DST: variants seen among roughly 807,000 people sequenced by gnomAD.
DST encodes the protein bullous pemphigoid antigen.
DST carries 253 observed loss-of-function variants against 875.2 expected under a neutral mutation model. The ratio of observed to expected loss-of-function variants is 0.29; its 90% CI spans 0.26 to 0.32. The LOEUF is 0.32. Ranked by LOEUF, DST falls within the 10% of genes least tolerant of loss-of-function variation. The pLI, the probability that DST is intolerant of heterozygous loss-of-function variation, is 1.00. For missense variants in DST, 8,287 were observed against 9,111.6 expected, an observed-to-expected ratio of 0.91 and a Z score of 3.68; for synonymous variants, 3,124 against 3,197.1, an observed-to-expected ratio of 0.98 and a Z score of 0.77.
intron 4 of DST, among the ~76,000 whole-genome samples, chr6:56,809,491 T>C (rs2153033392): frequency 6.6e-6 from 1 of 152,346 alleles, no homozygotes; most frequent in South Asian, 2.1e-4. Context: ...CATCTTATGA[T>C]GATTATATTC....
In DST at chr6:56,604,267, T is replaced by C. The variant is rs1289702538; in HGVS notation, c.10361A>G (p.His3454Arg). 1.2e-6 allele frequency: 2 copies of C among 1,611,906 alleles called. No individual in the cohort carries two copies. The highest frequency in any genetic ancestry group is 1.7e-6 in the Non-Finnish European group (2 of 1,178,862). ...AAATACTCCTGTAATTTTTTGGCTA[T>C]GTTGATCTTGCTTCAATATATTAAG... ...LLLNILKQDQ[H>R]SQKITGVFEL... The change falls in exon 40 of 104, where the codon CAT (histidine) becomes CGT (arginine). Residue 3454 changes from histidine (H) to arginine (R), a missense_variant. By Grantham distance (29) the His-to-Arg change is conservative. This residue lies in a region of DST where 3,138 missense variants were observed against 3,116.6 expected (regional missense o/e 1.01). Transcript: ENST00000680361.
intron 16 of DST, 40 bp from the exon 17 acceptor site, chr6:56,642,141 A>G (rs1190549076): frequency 6.6e-7 from 1 of 1,522,178 alleles, no homozygotes; most frequent in East Asian, 2.3e-5. Context: ...CTGTGAAACA[A>G]GTTTCAAAAC....
intron 10 of DST, among the ~76,000 whole-genome samples, chr6:56,668,854 T>C (rs562614769): frequency 5.0e-4 from 75 of 151,306 alleles, no homozygotes; most frequent in Non-Finnish European, 6.2e-4. Flanking sequence ...TTTTTAGACA[T>C]TGAAATTTCC....
chr6:56,530,245 T>C, intron 64 of DST, 112 bp from the exon 65 acceptor site: 1 of 768,680 alleles, frequency 1.3e-6, no homozygotes. Flanking sequence ...AGAAACTATC[T>C]AAGGTTACAA....
At chr6:56,554,628 AATG>A (rs1331657157) in intron 60 of DST, among the ~76,000 whole-genome samples, 7 of 152,226 alleles carry the variant, frequency 4.6e-5, no homozygotes, top group African/African-American at 9.6e-5. Context: ...TAAGAATAAT[AATG>A]ATAATAGCTG....
At chr6:56,855,946 A>T (rs1767646241) in intron 3 of DST, among the ~76,000 whole-genome samples, 1 of 151,512 alleles carries the variant, frequency 6.6e-6, no homozygotes, top group South Asian at 2.1e-4. Context: ...CCAGGAATTC[A>T]TTTTTTTTTC....
At chr6:56,735,105 T>C in intron 5 of DST, 123 bp downstream of exon 5, 1 of 733,200 alleles carries the variant, frequency 1.4e-6, no homozygotes, top group Admixed American at 2.7e-5. Flanking sequence ...TGCAAAATTC[T>C]CTAGAATTTA....
chr6:56,694,348 A>G (rs73455802), intron 9 of DST, among the ~76,000 whole-genome samples: 1 of 152,232 alleles, frequency 6.6e-6, no homozygotes, highest in African/African-American at 2.4e-5. Flanking sequence ...AACTCATTAT[A>G]TTTTACTAAG....
At chr6:56,854,681 T>C (rs1365609108) in intron 3 of DST, among the ~76,000 whole-genome samples, 9 of 152,134 alleles carry the variant, frequency 5.9e-5, no homozygotes, top group South Asian at 2.1e-4. Flanking sequence ...TTTAATCCAA[T>C]ACAAGCACAT....
intron 49 of DST, among the ~76,000 whole-genome samples, chr6:56,582,701 C>A (rs1379871322): frequency 6.6e-6 from 1 of 151,530 alleles, no homozygotes; most frequent in Admixed American, 6.6e-5. Flanking sequence ...CCCATTAACT[C>A]GTCATTTAGC....
intron 3 of DST, among the ~76,000 whole-genome samples, chr6:56,854,754 G>A (rs891258249): frequency 2.6e-5 from 4 of 152,186 alleles, no homozygotes; most frequent in African/African-American, 9.6e-5. Flanking sequence ...GGACAACTCT[G>A]TGAAGAAGTA....
Position 56,529,792 on chromosome 6 carries a change from A to T in DST, c.17269-18T>A. On this transcript the variant is annotated intron_variant, in intron 65 of 103. Transcript: ENST00000680361. ...TCTAAGGCCTAAGCAAAGTTTAAAAAAATAAAGAAGAAAAACAAAAAGAAT... is the reference window on the plus strand; with the variant it reads ...TCTAAGGCCTAAGCAAAGTTTAAAATAATAAAGAAGAAAAACAAAAAGAAT... 6.7e-7 allele frequency: 1 copy of T among 1,499,976 alleles called. No homozygotes were observed. The highest frequency in any genetic ancestry group is 2.3e-5 in the East Asian group (1 of 42,604). The allele number at this position is 1,499,976 out of a possible 1,614,324, so 92.9% of individuals were successfully genotyped here.
chr6:56,471,849 G>T, intron 94 of DST: 1 of 591,100 alleles, frequency 1.7e-6, no homozygotes. Flanking sequence ...TTACTTCATT[G>T]ATTCCCTAAA....
intron 2 of DST, among the ~76,000 whole-genome samples, chr6:56,932,062 G>C (rs1191990177): frequency 6.6e-6 from 1 of 152,116 alleles, no homozygotes; most frequent in Non-Finnish European, 1.5e-5. Context: ...ATATGGTTTG[G>C]CTCTGTGTCC....
intron 5 of DST, among the ~76,000 whole-genome samples, chr6:56,731,314 G>C (rs139991519): frequency 0.012 from 1,858 of 152,346 alleles, 34 homozygotes; most frequent in African/African-American, 0.042. Flanking sequence ...CTGGACTCAA[G>C]AGACTCTCCC....
Position 56,509,818 on chromosome 6 carries a change from A to T in DST, c.18836T>A (p.Leu6279Gln), listed in dbSNP as rs374875756. The T allele has an allele frequency of 5.0e-6, 8 of 1,613,616 alleles. No individual in the cohort carries two copies. The highest frequency in any genetic ancestry group is 3.3e-5 in the Admixed American group (2 of 59,976). Residue 6279 changes from leucine to glutamine, a missense_variant, in exon 74 of 104, where the codon CTG (leucine) becomes CAG (glutamine). Transcript: ENST00000680361. ...TGCAGAGATAGAGGGTGGCTGCCTC[A>T]GACGTTCCACGATGCGTTCCAGGCT... ...LESLERIVERLRQPPSISAEV... is the reference protein window; with the variant it reads ...LESLERIVERQRQPPSISAEV...
intron 99 of DST, among the ~76,000 whole-genome samples, chr6:56,465,103 G>C (rs974883426): frequency 6.6e-6 from 1 of 152,190 alleles, no homozygotes; most frequent in African/African-American, 2.4e-5. Flanking sequence ...TCTCGCAGGT[G>C]TGTCTTTGGC....
chr6:56,943,245 T>C (rs1817615912), intron 2 of DST, among the ~76,000 whole-genome samples: 1 of 152,140 alleles, frequency 6.6e-6, no homozygotes, highest in South Asian at 2.1e-4. Flanking sequence ...GGAACTGGAA[T>C]TGGATGACAG....
At chr6:56,682,106 T>C (rs535326757) in intron 9 of DST, among the ~76,000 whole-genome samples, 2 of 152,348 alleles carry the variant, frequency 1.3e-5, no homozygotes, top group South Asian at 2.1e-4. Flanking sequence ...AAACATCTTA[T>C]GTCATAAATC....
Sources: gnomAD v4.1 joint callset for allele counts (sites outside exome capture counted in the v4.1 genomes callset) on GRCh38, gnomAD v4.1.1 for gene constraint, gnomAD v4.1.1 regional missense constraint, MANE v1.5 for transcripts, NCBI Gene and HGNC (gene_info 2026-07-23, HGNC 2026-07-21) for gene names.